The following PLEKHG4B variants were observed in gnomAD, a reference collection of about 807,000 sequenced individuals.
The protein encoded by PLEKHG4B is pleckstrin homology and RhoGEF domain containing G4B, also known as pleckstrin homology domain-containing family G member 4B.
Under a neutral mutation model 121.3 loss-of-function variants are expected in PLEKHG4B, and 111 were observed. That is an observed-to-expected ratio of 0.92 (90% CI 0.78 to 1.07). PLEKHG4B has a LOEUF of 1.07. PLEKHG4B is among the 50% of genes least tolerant of loss of function. PLEKHG4B has a pLI of 0.00. For synonymous variants in PLEKHG4B, 738 were observed against 725.0 expected, an observed-to-expected ratio of 1.02 and a Z score of -0.29; for missense variants, 1,831 against 1,757.8, an observed-to-expected ratio of 1.04 and a Z score of -0.74.
At position 137,105 on chromosome 5, in the gene PLEKHG4B, G is replaced by A. The variant is rs1054081439; in HGVS notation, c.244-2378G>A. On this transcript the variant is annotated intron_variant, in intron 2 of 19. Coordinates refer to ENST00000637938, the MANE Select transcript of PLEKHG4B (RefSeq NM_052909.5). The surrounding 1 kb of genome is among the most constrained non-coding windows in gnomAD (Gnocchi z 4.2). ...CTCAGAAGGAGTGCAGTTCCAACAC[G>A]TGCCACATGTGGCATGGATAGACCT... 5.3e-5 allele frequency among the ~76,000 whole-genome samples: 8 copies of A among 152,184 alleles called. No homozygotes were observed. Among genetic ancestry groups the A allele is most frequent in the African/African-American group, 1.7e-4 (7 of 41,448 alleles).
intron 2 of PLEKHG4B, among the ~76,000 whole-genome samples, chr5:133,098 G>A (rs1025357072): frequency 1.3e-5 from 2 of 152,082 alleles, no homozygotes; most frequent in African/African-American, 4.8e-5. Flanking sequence ...CCTTGTAGAG[G>A]TCTTTCACCT....
chr5:159,475 G>A lies in PLEKHG4B; in HGVS notation c.2488-2308G>A, dbSNP rs1477738357. On this transcript the variant is annotated intron_variant, in intron 11 of 19. Transcript: ENST00000637938. The surrounding 1 kb of genome is among the most constrained non-coding windows in gnomAD (Gnocchi z 5.5). ...CCACCCCTGGCTGTGTGCTGTCCTTGTAAGGTAGATTTTTCTCAGCTTTAC... is the reference window on the plus strand; with the variant it reads ...CCACCCCTGGCTGTGTGCTGTCCTTATAAGGTAGATTTTTCTCAGCTTTAC... Among the ~76,000 whole-genome samples, 1 of 152,146 alleles carries A rather than the reference G, an allele frequency of 6.6e-6. No individual in the cohort carries two copies. Among genetic ancestry groups the A allele is most frequent in the Non-Finnish European group, 1.5e-5 (1 of 68,022 alleles).
intron 12 of PLEKHG4B, 111 bp downstream of exon 12, chr5:162,055 C>A: frequency 7.3e-7 from 1 of 1,369,466 alleles, no homozygotes; most frequent in Non-Finnish European, 9.6e-7. Flanking sequence ...GGGACAGAGG[C>A]CGGGCACCTG....
Position 156,813 on chromosome 5 carries a change from G to A in PLEKHG4B, c.2389G>A (p.Asp797Asn). ...EAATSLYDRV[D>N]EEVHRLVLTS... ...CGCCACAAGCCTGTACGACCGAGTGGATGAGGAGGTGCACAGGCTGGTCCT... is the reference window on the plus strand; with the variant it reads ...CGCCACAAGCCTGTACGACCGAGTGAATGAGGAGGTGCACAGGCTGGTCCT... Residue 797 changes from aspartate to asparagine, a missense_variant, in exon 11 of 20, where the codon GAT becomes AAT. Physicochemically the swap from Asp to Asn is conservative, Grantham distance 23 (BLOSUM62 1). Transcript: ENST00000637938. This position sits in a 1 kb window ranked among gnomAD's most constrained non-coding sequence, Gnocchi z 4.4. The A allele has an allele frequency of 1.3e-6, 2 of 1,583,282 alleles. No individual in the cohort carries two copies. The highest frequency in any genetic ancestry group is 2.3e-5 in the East Asian group (1 of 43,048).
intron 7 of PLEKHG4B, among the ~76,000 whole-genome samples, chr5:151,871 A>T (rs536565952): frequency 9.2e-5 from 14 of 152,044 alleles, no homozygotes; most frequent in Non-Finnish European, 1.9e-4. Context: ...CATCTTCTTC[A>T]TTTGGCCTCA....
At chr5:171,010 C>G in intron 14 of PLEKHG4B, 33 bp from the exon 15 acceptor site, 1 of 1,572,726 alleles carries the variant, frequency 6.4e-7, no homozygotes, top group Non-Finnish European at 8.7e-7. Context: ...GCCTGTCACT[C>G]CCACAGCCAA....
chr5:123,423 T>G (rs1734525773), intron 2 of PLEKHG4B, among the ~76,000 whole-genome samples: 2 of 152,176 alleles, frequency 1.3e-5, no homozygotes, highest in South Asian at 4.1e-4. Context: ...TCCTCTTTAA[T>G]TTTTTGGAAA....
chr5:162,089 C>A, intron 12 of PLEKHG4B, 145 bp downstream of exon 12: 1 of 1,063,644 alleles, frequency 9.4e-7, no homozygotes, highest in Non-Finnish European at 1.3e-6. Context: ...CTGGCCACTG[C>A]GCCCACGGCT....
chr5:146,683 C>T (rs1262135818), intron 6 of PLEKHG4B, among the ~76,000 whole-genome samples: 1 of 131,928 alleles, frequency 7.6e-6, no homozygotes, highest in African/African-American at 2.9e-5. Context: ...TCCTCTCCTC[C>T]CCCACAGTCC....
intron 1 of PLEKHG4B, among the ~76,000 whole-genome samples, chr5:105,151 C>G (rs1273031752): frequency 6.6e-6 from 1 of 152,212 alleles, no homozygotes; most frequent in Non-Finnish European, 1.5e-5. Flanking sequence ...TGTTCCCGTC[C>G]TGAAGGTGGA....
In PLEKHG4B at chr5:169,642, G is replaced by A. The variant is rs746947305; in HGVS notation, c.3729+50G>A. Reference sequence around the variant, plus strand: ...GCCGGGCAACGTGGTGGGTGAAGCCGGTGTCAGAGAGGCGGGGCCTACAGG... The same window carrying A: ...GCCGGGCAACGTGGTGGGTGAAGCCAGTGTCAGAGAGGCGGGGCCTACAGG... On this transcript the variant is annotated intron_variant, in intron 14 of 19. Coordinates refer to ENST00000637938, the MANE Select transcript of PLEKHG4B (RefSeq NM_052909.5). 9.3e-5 allele frequency: 148 copies of A among 1,599,598 alleles called. 1 individual carries two copies. Among genetic ancestry groups the A allele is most frequent in the Middle Eastern group, 3.8e-4 (2 of 5,248 alleles).
chr5:116,977 G>GA (rs1734325088), intron 2 of PLEKHG4B, among the ~76,000 whole-genome samples: 1 of 152,222 alleles, frequency 6.6e-6, no homozygotes, highest in Admixed American at 6.5e-5. Context: ...CGCTGCGTCT[G>GA]AAAACGCGTG....
intron 1 of PLEKHG4B, among the ~76,000 whole-genome samples, chr5:111,643 AC>A (rs1480966878): frequency 2.6e-5 from 4 of 152,240 alleles, no homozygotes; most frequent in Non-Finnish European, 2.9e-5. Context: ...CCTGCAGAAT[AC>A]GTCTCTCCCG....
chr5:133,986 GATGGA>G (rs1415877540), intron 2 of PLEKHG4B, among the ~76,000 whole-genome samples: 2 of 143,314 alleles, frequency 1.4e-5, no homozygotes, highest in African/African-American at 5.2e-5. Flanking sequence ...GACTATATAT[GATGGA>G]ATATATATAT....
rs1473403554 is a variant in PLEKHG4B at position 186,630 on chromosome 5, T to A, written c.*4307T>A. On this transcript the variant is annotated 3_prime_UTR_variant, in exon 20 of 20. Transcript: ENST00000637938. Reference sequence around the variant, plus strand: ...CGCCAAGCACGTGGAGGGACAGCCCTGGAGCCCTGGCCTGGCCCAGCATCT... The same window carrying A: ...CGCCAAGCACGTGGAGGGACAGCCCAGGAGCCCTGGCCTGGCCCAGCATCT... 2.0e-5 allele frequency: 3 copies of A among 152,598 alleles called. No individual in the cohort carries two copies. Among genetic ancestry groups the A allele is most frequent in the Non-Finnish European group, 4.4e-5 (3 of 68,338 alleles). 9.5% of individuals were successfully genotyped at this position (152,598 alleles called of 1,614,324 possible). A position where few individuals can be genotyped will look rare whatever the true frequency, so the allele number is the denominator to read the frequency against.
Position 169,307 on chromosome 5 carries a change from C to T in PLEKHG4B, c.3477-33C>T, listed in dbSNP as rs935293849. ...CTTTTAATAAAGTGTCCGTGGGGGG[C>T]CGTGTGCCCCCCGGGATCTCTGTGT... On this transcript the variant is annotated intron_variant, in intron 13 of 19. Coordinates refer to ENST00000637938, the MANE Select transcript of PLEKHG4B (RefSeq NM_052909.5). 3 of 1,610,360 alleles carry T rather than the reference C, an allele frequency of 1.9e-6. No individual in the cohort carries two copies. The Admixed American group carries it at 5.0e-5, about 27-fold the overall frequency.
intron 9 of PLEKHG4B, among the ~76,000 whole-genome samples, 181 bp from the exon 10 acceptor site, chr5:155,890 T>C (rs911454951): frequency 1.6e-4 from 25 of 151,872 alleles, no homozygotes; most frequent in African/African-American, 5.8e-4. Context: ...CCAGGGATCT[T>C]ATCCTGGGGC....
At position 96,116 on chromosome 5, in the gene PLEKHG4B, A is replaced by T. The variant is rs13181644; in HGVS notation, c.45+3840A>T. Among the ~76,000 whole-genome samples the T allele has an allele frequency of 8.7e-3, 1,331 of 152,302 alleles. 11 individuals are homozygous for T. Among genetic ancestry groups the T allele is most frequent in the Non-Finnish European group, 0.012 (790 of 68,028 alleles). ...CATTTGGTGTGGGTGGTGGTGTTAC[A>T]GTGGTTTGGGATTCAGGCTGTGCAC... On this transcript the variant is annotated intron_variant, in intron 1 of 19. Transcript: ENST00000637938.
intron 7 of PLEKHG4B, among the ~76,000 whole-genome samples, chr5:154,320 CTTTTTCTTTT>C (rs1243709105): frequency 6.6e-6 from 1 of 152,144 alleles, no homozygotes; most frequent in Admixed American, 6.5e-5. Context: ...CTTTCTTTTT[CTTTTTCTTTT>C]TTTTACAAAG....
Sources: allele counts gnomAD v4.1 joint callset (sites outside exome capture counted in the v4.1 genomes callset), GRCh38; gene constraint gnomAD v4.1.1; non-coding constraint Gnocchi (gnomAD v3.1); transcripts MANE v1.5; gene names NCBI Gene and HGNC (gene_info 2026-07-23, HGNC 2026-07-21).